Variants in TUBB2A observed in about 807,000 individuals in gnomAD.
TUBB2A encodes the protein tubulin beta-2A chain.
TUBB2A carries 7 observed loss-of-function variants against 33.9 expected under a neutral mutation model. The observed-to-expected ratio is 0.21, with a 90% CI of 0.12 to 0.39. TUBB2A has a LOEUF of 0.39. Ranked by LOEUF, TUBB2A falls within the 10% of genes least tolerant of loss-of-function variation. The pLI is 1.00. For synonymous variants in TUBB2A, 187 were observed against 247.6 expected, an observed-to-expected ratio of 0.76 and a Z score of 2.30; for missense variants, 80 against 593.4, an observed-to-expected ratio of 0.13 and a Z score of 8.99.
chr6:3,157,431 C>T lies in TUBB2A; in HGVS notation c.33G>A (p.Gln11=), dbSNP rs754016204. The change falls in exon 1 of 4, where the codon CAG becomes CAA. Residue 11 remains glutamine, a synonymous_variant. Coordinates refer to ENST00000333628, the MANE Select transcript of TUBB2A (RefSeq NM_001069.3). Reference sequence around the variant, plus strand: ...CCTTGGCGCCGATCTGGTTGCCGCACTGGCCCGCCTGGATGTGCACGATCT... The same window carrying T: ...CCTTGGCGCCGATCTGGTTGCCGCATTGGCCCGCCTGGATGTGCACGATCT... MREIVHIQAG[Q]CGNQIGAKFW... is the part of the protein sequence containing the mutation. 40 of 1,545,816 alleles carry T rather than the reference C, an allele frequency of 2.6e-5. No individual in the cohort carries two copies. In the South Asian group the frequency reaches 4.6e-4, roughly 18 times the overall value.
At position 3,155,008 on chromosome 6, in the gene TUBB2A, C is replaced by T; in HGVS notation, c.278-85G>A. The T allele has an allele frequency of 6.3e-7, 1 of 1,584,946 alleles. No homozygotes were observed. Among genetic ancestry groups the T allele is most frequent in the Non-Finnish European group, 8.6e-7 (1 of 1,165,232 alleles). On this transcript the variant is annotated intron_variant, in intron 3 of 3. Coordinates refer to ENST00000333628, the MANE Select transcript of TUBB2A (RefSeq NM_001069.3). This position sits in a 1 kb window ranked among gnomAD's most constrained non-coding sequence, Gnocchi z 4.2. Reference sequence around the variant, plus strand: ...TTTGACTATGGAGGAGAAGGTAGGACTGGTCTTAGACTGGCAGATTCTTCT... The same window carrying T: ...TTTGACTATGGAGGAGAAGGTAGGATTGGTCTTAGACTGGCAGATTCTTCT...
rs542813577 is a variant in TUBB2A at position 3,155,568 on chromosome 6, G to T, written c.277+57C>A. ...GAACACTAAGAACTGTGCTTTGCAGGGCTGTTAGGAAGAAGGTGTGTCATT... is the reference window on the plus strand; with the variant it reads ...GAACACTAAGAACTGTGCTTTGCAGTGCTGTTAGGAAGAAGGTGTGTCATT... On this transcript the variant is annotated intron_variant, in intron 3 of 3. Coordinates refer to ENST00000333628, the MANE Select transcript of TUBB2A (RefSeq NM_001069.3). This position sits in a 1 kb window ranked among gnomAD's most constrained non-coding sequence, Gnocchi z 4.2. 71 of 1,368,960 alleles carry T rather than the reference G, an allele frequency of 5.2e-5. No individual in the cohort carries two copies. In the African/African-American group the frequency reaches 9.4e-4, roughly 18 times the overall value. The allele number at this position is 1,368,960 out of a possible 1,614,324, so 84.8% of individuals were successfully genotyped here.
rs112413122 is a variant in TUBB2A at position 3,155,476 on chromosome 6, A to G, written c.277+149T>C. ...TGGCGTTGATCTGTGAGCCATGACC[A>G]CCCATGGACTGCATGGAGCTAGGCC... On this transcript the variant is annotated intron_variant, in intron 3 of 3. Transcript: ENST00000333628. The surrounding 1 kb of genome is among the most constrained non-coding windows in gnomAD (Gnocchi z 4.2). The G allele has an allele frequency of 2.4e-4, 129 of 526,792 alleles. No homozygotes were observed. Among genetic ancestry groups the G allele is most frequent in the East Asian group, 7.3e-4 (22 of 30,264 alleles). The allele number at this position is 526,792 out of a possible 1,614,324, so 32.6% of individuals were successfully genotyped here.
At position 3,155,829 on chromosome 6, in the gene TUBB2A, A is replaced by G. The variant is rs1762622972; in HGVS notation, c.167-94T>C. On this transcript the variant is annotated intron_variant, in intron 2 of 3. Coordinates refer to ENST00000333628, the MANE Select transcript of TUBB2A (RefSeq NM_001069.3). This position sits in a 1 kb window ranked among gnomAD's most constrained non-coding sequence, Gnocchi z 4.2. ...ATCTGAGACAAAAGGAGAACAGGAG[A>G]TTTTCTGCTTTTAAGAAAAAGGAGG... The G allele has an allele frequency of 7.4e-7, 1 of 1,354,278 alleles. No individual in the cohort carries two copies. Among genetic ancestry groups the G allele is most frequent in the African/African-American group, 1.5e-5 (1 of 68,746 alleles). 83.9% of individuals were successfully genotyped at this position (1,354,278 alleles called of 1,614,324 possible).
chr6:3,155,102 T>C lies in TUBB2A; in HGVS notation c.278-179A>G. On this transcript the variant is annotated intron_variant, in intron 3 of 3. Transcript: ENST00000333628. The surrounding 1 kb of genome is among the most constrained non-coding windows in gnomAD (Gnocchi z 4.2). ...TCAGTGACCTCAAAAACACTGGGGA[T>C]CATAATAAAGTAAGAAGTAAGTTTA... is the stretch of plus-strand genomic sequence containing the variant. The C allele has an allele frequency of 6.9e-7, 1 of 1,450,208 alleles. No homozygotes were observed. Among genetic ancestry groups the C allele is most frequent in the South Asian group, 1.4e-5 (1 of 68,994 alleles). 89.8% of individuals were successfully genotyped at this position (1,450,208 alleles called of 1,614,324 possible). A position where few individuals can be genotyped will look rare whatever the true frequency, so the allele number is the denominator to read the frequency against.
rs1299975851 is a variant in TUBB2A, at chr6:3,155,463, G to C, written c.277+162C>G. On this transcript the variant is annotated intron_variant, in intron 3 of 3. Transcript: ENST00000333628. This position sits in a 1 kb window ranked among gnomAD's most constrained non-coding sequence, Gnocchi z 4.2. Reference sequence around the variant, plus strand: ...GCCCTCTGCAGGCTGGCGTTGATCTGTGAGCCATGACCACCCATGGACTGC... The same window carrying C: ...GCCCTCTGCAGGCTGGCGTTGATCTCTGAGCCATGACCACCCATGGACTGC... 6.6e-6 allele frequency among the ~76,000 whole-genome samples: 1 copy of C among 152,210 alleles called. No individual in the cohort carries two copies. The highest frequency in any genetic ancestry group is 2.4e-5 in the African/African-American group (1 of 41,464).
intron 1 of TUBB2A, 90 bp downstream of exon 1, chr6:3,157,317 C>A: frequency 7.9e-7 from 1 of 1,267,972 alleles, no homozygotes; most frequent in Non-Finnish European, 9.9e-7. Flanking sequence ...ACCCGGCCAG[C>A]CCGGGGCCGC....
chr6:3,157,186 G>C (rs1249455001), intron 1 of TUBB2A, among the ~76,000 whole-genome samples: 3 of 152,276 alleles, frequency 2.0e-5, no homozygotes, highest in African/African-American at 7.2e-5. Flanking sequence ...CAGAAGGGCT[G>C]TGTCCCAGGG....
chr6:3,157,103 C>T (rs1278198936), intron 1 of TUBB2A, among the ~76,000 whole-genome samples: 2 of 152,270 alleles, frequency 1.3e-5, no homozygotes, highest in Non-Finnish European at 2.9e-5. Flanking sequence ...GAAGCTAGCG[C>T]AATAAATATG....
rs557753966 is a variant in TUBB2A at position 3,155,453 on chromosome 6, G to C, written c.277+172C>G. On this transcript the variant is annotated intron_variant, in intron 3 of 3. Coordinates refer to ENST00000333628, the MANE Select transcript of TUBB2A (RefSeq NM_001069.3). This position sits in a 1 kb window ranked among gnomAD's most constrained non-coding sequence, Gnocchi z 4.2. ...GGCTGCAGCAGCCCTCTGCAGGCTGGCGTTGATCTGTGAGCCATGACCACC... is the reference window on the plus strand; with the variant it reads ...GGCTGCAGCAGCCCTCTGCAGGCTGCCGTTGATCTGTGAGCCATGACCACC... Among the ~76,000 whole-genome samples, 5 of 152,332 alleles carry C rather than the reference G, an allele frequency of 3.3e-5. No individual in the cohort carries two copies. The South Asian group carries it at 1.0e-3, about 32-fold the overall frequency.
Position 3,154,874 on chromosome 6 carries a change from T to A in TUBB2A, c.327A>T (p.Gly109=). The change falls in exon 4 of 4, where the codon GGA becomes GGT. Residue 109 remains glycine (G), a synonymous_variant. Transcript: ENST00000333628. The part of the protein sequence containing the change: ...NNWAKGHYTE[G]AELVDSVLDV... ...CCAGGACCGAGTCGACCAGCTCGGC[T>A]CCCTCTGTGTAGTGGCCCTTGGCCC... The A allele has an allele frequency of 6.2e-7, 1 of 1,613,658 alleles. No homozygotes were observed. The highest frequency in any genetic ancestry group is 2.2e-5 in the East Asian group (1 of 44,866).
Position 3,155,692 on chromosome 6 carries a change from A to T in TUBB2A, c.210T>A (p.Pro70=). 6.2e-7 allele frequency: 1 copy of T among 1,614,140 alleles called. No individual in the cohort carries two copies. The highest frequency in any genetic ancestry group is 8.5e-7 in the Non-Finnish European group (1 of 1,180,014). ...CAGACCTGACAGAGTCCATGGTGCC[A>T]GGCTCCAGATCCACCAGGATGGCCC... ...VPRAILVDLE[P]GTMDSVRSGP... is the part of the protein sequence containing the mutation. The change falls in exon 3 of 4, where the codon CCT becomes CCA. Residue 70 remains proline, a synonymous_variant. Coordinates refer to ENST00000333628, the MANE Select transcript of TUBB2A (RefSeq NM_001069.3). The surrounding 1 kb of genome is among the most constrained non-coding windows in gnomAD (Gnocchi z 4.2).
chr6:3,156,265 A>C (rs1762631621), intron 1 of TUBB2A, 113 bp from the exon 2 acceptor site: 3 of 1,339,398 alleles, frequency 2.2e-6, no homozygotes. Context: ...GACAGTTAGT[A>C]AGTGCTAGAC....
Position 3,154,937 on chromosome 6 carries a change from A to G in TUBB2A, c.278-14T>C, listed in dbSNP as rs747177939. On this transcript the variant is annotated splice_polypyrimidine_tract_variant and intron_variant, in intron 3 of 3. Coordinates refer to ENST00000333628, the MANE Select transcript of TUBB2A (RefSeq NM_001069.3). The stretch of plus-strand genomic sequence containing the variant: ...CTCCACTCTGGCCTGCCAGAGGGAA[A>G]GTGAACATTAGACACTAAAACATAA... 1.9e-6 allele frequency: 3 copies of G among 1,613,870 alleles called. No individual in the cohort carries two copies. Among genetic ancestry groups the G allele is most frequent in the African/African-American group, 1.3e-5 (1 of 74,928 alleles).
In TUBB2A at chr6:3,155,065, T is replaced by C; in HGVS notation, c.278-142A>G. 1 of 1,500,484 alleles carries C rather than the reference T, an allele frequency of 6.7e-7. No homozygotes were observed. Among genetic ancestry groups the C allele is most frequent in the Non-Finnish European group, 8.9e-7 (1 of 1,121,870 alleles). 92.9% of individuals were successfully genotyped at this position (1,500,484 alleles called of 1,614,324 possible). On this transcript the variant is annotated intron_variant, in intron 3 of 3. Transcript: ENST00000333628. The surrounding 1 kb of genome is among the most constrained non-coding windows in gnomAD (Gnocchi z 4.2). ...AATACTCTTCTTTTACCTGAAGAAA[T>C]ATTTTTCTATGTCAGTGACCTCAAA...
Position 3,155,930 on chromosome 6 carries a change from A to G in TUBB2A, c.166+114T>C, listed in dbSNP as rs1452909242. ...AAAACATGTTTTTCCAGCAGTTGGC[A>G]TTTGAAATGAATATGCAAGAAGCAT... On this transcript the variant is annotated intron_variant, in intron 2 of 3. Coordinates refer to ENST00000333628, the MANE Select transcript of TUBB2A (RefSeq NM_001069.3). The surrounding 1 kb of genome is among the most constrained non-coding windows in gnomAD (Gnocchi z 4.2). 40 of 1,492,382 alleles carry G rather than the reference A, an allele frequency of 2.7e-5. No individual in the cohort carries two copies. The East Asian group carries it at 3.9e-4, about 14-fold the overall frequency. The allele number at this position is 1,492,382 out of a possible 1,614,324, so 92.4% of individuals were successfully genotyped here. A position where few individuals can be genotyped will look rare whatever the true frequency, so the allele number is the denominator to read the frequency against.
rs529609705 is a variant in TUBB2A at position 3,156,692 on chromosome 6, G to C, written c.58-540C>G. ...GGCGAAGGGCAGCAGGAGCCTGGGA[G>C]GGCACCTGGGCGGCAGTGGAAGGAG... On this transcript the variant is annotated intron_variant, in intron 1 of 3. Coordinates refer to ENST00000333628, the MANE Select transcript of TUBB2A (RefSeq NM_001069.3). 3.5e-4 allele frequency among the ~76,000 whole-genome samples: 53 copies of C among 152,396 alleles called. No homozygotes were observed. The East Asian group carries it at 0.01, about 29-fold the overall frequency.
intron 1 of TUBB2A, among the ~76,000 whole-genome samples, chr6:3,157,201 C>A (rs552878559): frequency 6.3e-4 from 96 of 152,372 alleles, no homozygotes; most frequent in African/African-American, 2.1e-3. Flanking sequence ...CCAGGGAAAT[C>A]GAAAGGCCCC....
At position 3,157,387 on chromosome 6, in the gene TUBB2A, C is replaced by T; in HGVS notation, c.57+20G>A. ...CACCCTCGGTCCCAACCCCGGGCCC[C>T]TCCGTGGCGGTGAGCCCACCTTGGC... is the stretch of plus-strand genomic sequence containing the variant. On this transcript the variant is annotated intron_variant, in intron 1 of 3. Transcript: ENST00000333628. 6.6e-7 allele frequency: 1 copy of T among 1,514,490 alleles called. No homozygotes were observed. Among genetic ancestry groups the T allele is most frequent in the Non-Finnish European group, 8.8e-7 (1 of 1,137,290 alleles). 93.8% of individuals were successfully genotyped at this position (1,514,490 alleles called of 1,614,324 possible).
Sources: allele counts gnomAD v4.1 joint callset (sites outside exome capture counted in the v4.1 genomes callset), GRCh38; gene constraint gnomAD v4.1.1; non-coding constraint Gnocchi (gnomAD v3.1); transcripts MANE v1.5; gene names NCBI Gene and HGNC (gene_info 2026-07-23, HGNC 2026-07-21).